Variants in L3MBTL4 observed in about 807,000 individuals in gnomAD.
L3MBTL4 encodes the protein lethal(3)malignant brain tumor-like protein 4.
L3MBTL4 carries 70 observed loss-of-function variants against 84.5 expected under a neutral mutation model. The ratio of observed to expected loss-of-function variants is 0.83; its 90% CI spans 0.68 to 1.01. The LOEUF (loss-of-function observed/expected upper bound fraction) is 1.01. Ranked by LOEUF, L3MBTL4 falls within the 50% of genes least tolerant of loss-of-function variation. The pLI is 0.00. For missense variants in L3MBTL4, 715 were observed against 754.8 expected, an observed-to-expected ratio of 0.95 and a Z score of 0.62; for synonymous variants, 274 against 259.8, an observed-to-expected ratio of 1.05 and a Z score of -0.52.
chr18:5,975,728 A>G (rs991980309), intron 16 of L3MBTL4, among the ~76,000 whole-genome samples: 1 of 152,220 alleles, frequency 6.6e-6, no homozygotes, highest in Admixed American at 6.5e-5. Context: ...AGGCTTCACC[A>G]TGATGTGCAG....
intron 1 of L3MBTL4, among the ~76,000 whole-genome samples, chr18:6,340,431 T>C (rs914400372): frequency 2.0e-5 from 3 of 152,146 alleles, no homozygotes; most frequent in African/African-American, 7.2e-5. Context: ...GCAGAATTTC[T>C]CCCACAGGGG....
At chr18:6,357,850 TA>T (rs1455734952) in intron 1 of L3MBTL4, among the ~76,000 whole-genome samples, 1 of 152,224 alleles carries the variant, frequency 6.6e-6, no homozygotes, top group African/African-American at 2.4e-5. Flanking sequence ...CATGCATCAT[TA>T]AAAGCTTTAT....
At chr18:6,107,615 T>C (rs549095179) in intron 14 of L3MBTL4, among the ~76,000 whole-genome samples, 2 of 152,266 alleles carry the variant, frequency 1.3e-5, no homozygotes, top group South Asian at 4.2e-4. Context: ...ATGAGTGTGA[T>C]GATAAAGATG....
At chr18:6,237,655 C>T (rs1472805483) in intron 10 of L3MBTL4, among the ~76,000 whole-genome samples, 3 of 151,648 alleles carry the variant, frequency 2.0e-5, no homozygotes, top group African/African-American at 7.3e-5. Flanking sequence ...GGGGTTTCAC[C>T]ATATTGGCCA....
At chr18:6,299,401 T>G (rs1047321583) in intron 4 of L3MBTL4, among the ~76,000 whole-genome samples, 1 of 152,180 alleles carries the variant, frequency 6.6e-6, no homozygotes, top group Non-Finnish European at 1.5e-5. Flanking sequence ...GAAAGAAGAA[T>G]GTTAATGTAG....
intron 4 of L3MBTL4, among the ~76,000 whole-genome samples, chr18:6,290,549 A>G (rs1339352548): frequency 6.6e-6 from 1 of 150,736 alleles, no homozygotes; most frequent in Non-Finnish European, 1.5e-5. Flanking sequence ...ATTTTTTGAG[A>G]CAGAGTCTCG....
chr18:6,162,569 GAA>G (rs1165562145), intron 13 of L3MBTL4, among the ~76,000 whole-genome samples: 1 of 152,140 alleles, frequency 6.6e-6, no homozygotes, highest in Non-Finnish European at 1.5e-5. Context: ...ATTATAGTGA[GAA>G]AAGTTTAGTT....
rs916469612 is a variant in L3MBTL4, at chr18:6,051,800, G to A, written c.1444+29081C>T. On this transcript the variant is annotated intron_variant, in intron 16 of 18. Transcript: ENST00000317931. The stretch of plus-strand genomic sequence containing the variant: ...GTGGTGAGCTGTGTTCACGGACCCC[G>A]GCACCGTAAGAGCCTATTTTTCAGC... Among the ~76,000 whole-genome samples the A allele has an allele frequency of 3.3e-5, 5 of 152,066 alleles. No homozygotes were observed. In the South Asian group the frequency reaches 6.2e-4, roughly 19 times the overall value.
intron 14 of L3MBTL4, among the ~76,000 whole-genome samples, chr18:6,121,805 C>T: frequency 6.6e-6 from 1 of 151,666 alleles, no homozygotes; most frequent in East Asian, 1.9e-4. Flanking sequence ...TCGTCTTGGC[C>T]TTGTCTCAAG....
At chr18:6,115,765 C>T (rs1342636721) in intron 14 of L3MBTL4, among the ~76,000 whole-genome samples, 3 of 152,186 alleles carry the variant, frequency 2.0e-5, no homozygotes, top group Non-Finnish European at 4.4e-5. Flanking sequence ...ACTCAGAGGA[C>T]TTCAGAGTAA....
At chr18:6,378,147 C>A (rs1049060924) in intron 1 of L3MBTL4, among the ~76,000 whole-genome samples, 3 of 152,132 alleles carry the variant, frequency 2.0e-5, no homozygotes, top group African/African-American at 7.2e-5. Flanking sequence ...TATCCTTTGC[C>A]CACTTTTGGA....
At chr18:6,407,809 C>T (rs1460536523) in intron 1 of L3MBTL4, among the ~76,000 whole-genome samples, 1 of 152,190 alleles carries the variant, frequency 6.6e-6, no homozygotes, top group Non-Finnish European at 1.5e-5. Flanking sequence ...AGCCCTTACT[C>T]CACCCAACAA....
intron 16 of L3MBTL4, chr18:6,031,931 T>G (rs2055822275): frequency 2.7e-6 from 2 of 727,362 alleles, no homozygotes; most frequent in African/African-American, 1.9e-5. Context: ...ATTGTGTGGT[T>G]TGTACCCATT....
Position 6,243,280 on chromosome 18 carries a change from G to A in L3MBTL4, c.460+14C>T. 2 of 1,514,656 alleles carry A rather than the reference G, an allele frequency of 1.3e-6. No individual in the cohort carries two copies. The highest frequency in any genetic ancestry group is 2.4e-5 in the East Asian group (1 of 41,614). 93.8% of individuals were successfully genotyped at this position (1,514,656 alleles called of 1,614,324 possible). A position where few individuals can be genotyped will look rare whatever the true frequency, so the allele number is the denominator to read the frequency against. ...TTGATTCTCTTTCCAGTTGGTAAATGTATCCTGGCTTACCCTTAGGGATGT... is the reference window on the plus strand; with the variant it reads ...TTGATTCTCTTTCCAGTTGGTAAATATATCCTGGCTTACCCTTAGGGATGT... On this transcript the variant is annotated intron_variant, in intron 7 of 18. Coordinates refer to ENST00000317931, the MANE Select transcript of L3MBTL4 (RefSeq NM_001330559.2).
chr18:5,968,567 C>T (rs1010357631), intron 17 of L3MBTL4, among the ~76,000 whole-genome samples: 9 of 152,026 alleles, frequency 5.9e-5, no homozygotes, highest in African/African-American at 2.2e-4. Flanking sequence ...TGTGGTGGCA[C>T]ATGCCTATAG....
At chr18:6,405,547 C>T (rs34833193) in intron 1 of L3MBTL4, among the ~76,000 whole-genome samples, 23,260 of 152,076 alleles carry the variant, frequency 0.15, 1,789 homozygotes, top group East Asian at 0.16. Flanking sequence ...GCCCTGAGCC[C>T]GAGGGCCCAC....
chr18:6,098,762 C>T (rs947039791), intron 14 of L3MBTL4, among the ~76,000 whole-genome samples: 1 of 152,066 alleles, frequency 6.6e-6, no homozygotes, highest in African/African-American at 2.4e-5. Context: ...TTTTGCTAAC[C>T]AATTATATTA....
At chr18:6,309,770 G>C (rs925186584) in intron 3 of L3MBTL4, among the ~76,000 whole-genome samples, 7 of 152,322 alleles carry the variant, frequency 4.6e-5, no homozygotes, top group African/African-American at 1.7e-4. Flanking sequence ...CGAGTACTAA[G>C]ATAGGGGGGT....
chr18:6,313,084 T>G (rs1010189293), intron 1 of L3MBTL4, among the ~76,000 whole-genome samples: 1 of 152,244 alleles, frequency 6.6e-6, no homozygotes, highest in Non-Finnish European at 1.5e-5. Flanking sequence ...GCATTTCTTG[T>G]GCATACCTTT....
Sources: gnomAD v4.1 joint callset for allele counts (sites outside exome capture counted in the v4.1 genomes callset) on GRCh38, gnomAD v4.1.1 for gene constraint, MANE v1.5 for transcripts, NCBI Gene and HGNC (gene_info 2026-07-23, HGNC 2026-07-21) for gene names.